ELAVL2: variants seen among roughly 807,000 people sequenced by gnomAD.
ELAVL2 encodes the protein ELAV like RNA binding protein 2.
A neutral mutation model predicts 34.6 loss-of-function variants in ELAVL2; 4 were observed. The ratio of observed to expected loss-of-function variants is 0.12; its 90% CI spans 0.06 to 0.26. The LOEUF (loss-of-function observed/expected upper bound fraction) is 0.26, where lower values mean the gene tolerates loss of function less well. ELAVL2 is among the 10% of genes least tolerant of loss of function. The pLI, the probability that ELAVL2 is intolerant of heterozygous loss-of-function variation, is 1.00. For missense variants in ELAVL2, 432 were observed against 442.8 expected, an observed-to-expected ratio of 0.98 and a Z score of 0.22; for synonymous variants, 193 against 154.8, an observed-to-expected ratio of 1.25 and a Z score of -1.83.
At chr9:23,784,209 A>C (rs1222522620) in intron 1 of ELAVL2, among the ~76,000 whole-genome samples, 1 of 150,026 alleles carries the variant, frequency 6.7e-6, no homozygotes, top group East Asian at 2.0e-4. Flanking sequence ...AAAAAACAAA[A>C]ACAAAAATGC....
chr9:23,708,270 G>C lies in ELAVL2; in HGVS notation c.334-3199C>G, dbSNP rs1222126282. On this transcript the variant is annotated intron_variant, in intron 3 of 6. Coordinates refer to ENST00000397312, the MANE Select transcript of ELAVL2 (RefSeq NM_004432.5). ...TAAACTTACATTTAGGGCATTATGA[G>C]ACTTCACCATTTACAAGGCATTTTC... Among the ~76,000 whole-genome samples, 5 of 152,150 alleles carry C rather than the reference G, an allele frequency of 3.3e-5. No homozygotes were observed. In the South Asian group the frequency reaches 1.0e-3, roughly 32 times the overall value.
chr9:23,725,043 C>A (rs1377472691), intron 3 of ELAVL2, among the ~76,000 whole-genome samples: 2 of 152,090 alleles, frequency 1.3e-5, no homozygotes, highest in East Asian at 3.9e-4. Flanking sequence ...TAAATTTCTA[C>A]CCTTTGTACC....
intron 4 of ELAVL2, among the ~76,000 whole-genome samples, chr9:23,703,775 A>AG (rs1260222247): frequency 6.6e-6 from 1 of 152,188 alleles, no homozygotes; most frequent in African/African-American, 2.4e-5. Context: ...AACAGTGAGG[A>AG]GAAAAGCTAC....
chr9:23,794,940 A>G (rs2060734878), intron 1 of ELAVL2, among the ~76,000 whole-genome samples: 1 of 152,222 alleles, frequency 6.6e-6, no homozygotes, highest in Non-Finnish European at 1.5e-5. Context: ...AAGCTAAAGA[A>G]GATGAACACT....
chr9:23,793,117 G>A (rs1370605657), intron 1 of ELAVL2, among the ~76,000 whole-genome samples: 1 of 152,068 alleles, frequency 6.6e-6, no homozygotes, highest in Non-Finnish European at 1.5e-5. Context: ...TGACAATTTG[G>A]AATGTCCTCT....
At chr9:23,842,272 G>A in the ELAVL2 span, among the ~76,000 whole-genome samples, 1 of 152,110 alleles carries the variant, frequency 6.6e-6, no homozygotes, top group Non-Finnish European at 1.5e-5. Flanking sequence ...TCCCCTGAGT[G>A]AGAGTTCAAG....
rs541241406 is a variant in ELAVL2, at chr9:23,692,461, C to T, written c.*96G>A. On this transcript the variant is annotated 3_prime_UTR_variant, in exon 7 of 7. Coordinates refer to ENST00000397312, the MANE Select transcript of ELAVL2 (RefSeq NM_004432.5). ...TAGTCATTTTATCCCCATCTCAACACTGACTTACAAAGACATTTACTAATG... is the reference window on the plus strand; with the variant it reads ...TAGTCATTTTATCCCCATCTCAACATTGACTTACAAAGACATTTACTAATG... 5.4e-6 allele frequency: 7 copies of T among 1,307,734 alleles called. No homozygotes were observed. Among genetic ancestry groups the T allele is most frequent in the Admixed American group, 2.8e-5 (1 of 36,312 alleles). 81.0% of individuals were successfully genotyped at this position (1,307,734 alleles called of 1,614,324 possible).
At position 23,692,376 on chromosome 9, in the gene ELAVL2, A is replaced by T; in HGVS notation, c.*181T>A. 1 of 653,576 alleles carries T rather than the reference A, an allele frequency of 1.5e-6. No homozygotes were observed. Among genetic ancestry groups the T allele is most frequent in the Non-Finnish European group, 2.5e-6 (1 of 397,376 alleles). The allele number at this position is 653,576 out of a possible 1,614,324, so 40.5% of individuals were successfully genotyped here. On this transcript the variant is annotated 3_prime_UTR_variant, in exon 7 of 7. Coordinates refer to ENST00000397312, the MANE Select transcript of ELAVL2 (RefSeq NM_004432.5). Reference sequence around the variant, plus strand: ...CCATATTCAAACATAAAAGATATTTAAGAAGTTTTAATTCAAATACTAGCA... The same window carrying T: ...CCATATTCAAACATAAAAGATATTTTAGAAGTTTTAATTCAAATACTAGCA...
At chr9:23,779,479 T>G (rs1366352592) in intron 1 of ELAVL2, 4 of 902,194 alleles carry the variant, frequency 4.4e-6, no homozygotes, top group Non-Finnish European at 5.3e-6. Flanking sequence ...GGCTTCCTTC[T>G]GGCTTCCTTA....
rs939192915 is a variant in ELAVL2, at chr9:23,764,271, A to C, written c.-15-2022T>G. Among the ~76,000 whole-genome samples the C allele has an allele frequency of 2.0e-5, 3 of 152,170 alleles. 1 individual carries two copies. Among genetic ancestry groups the C allele is most frequent in the Non-Finnish European group, 2.9e-5 (2 of 68,026 alleles). On this transcript the variant is annotated intron_variant, in intron 1 of 6. Transcript: ENST00000397312. ...TCGGACTAAAGCTCATTGGGATAGC[A>C]TTTGAAATACAAAGTGTTCATTGAC...
At chr9:23,797,248 A>T (rs960641443) in intron 1 of ELAVL2, among the ~76,000 whole-genome samples, 3 of 152,234 alleles carry the variant, frequency 2.0e-5, no homozygotes, top group African/African-American at 7.2e-5. Flanking sequence ...TTTAAAAGAA[A>T]AACACAGGCG....
chr9:23,831,838 G>T, the ELAVL2 span, among the ~76,000 whole-genome samples: 1 of 152,074 alleles, frequency 6.6e-6, no homozygotes, highest in South Asian at 2.1e-4. Context: ...GGCAGTGAGA[G>T]AGAAGAAAAA....
chr9:23,762,892 C>T (rs1222105468), intron 1 of ELAVL2, among the ~76,000 whole-genome samples: 3 of 152,040 alleles, frequency 2.0e-5, no homozygotes, highest in Admixed American at 2.0e-4. Flanking sequence ...AAGGAACTAA[C>T]TGTAAGGTAA....
chr9:23,774,462 A>G (rs922389585), intron 1 of ELAVL2, among the ~76,000 whole-genome samples: 6 of 152,136 alleles, frequency 3.9e-5, no homozygotes, highest in Admixed American at 1.3e-4. Flanking sequence ...ATGTTAAACT[A>G]CATTTAGCAC....
At chr9:23,717,027 C>A (rs761511994) in intron 3 of ELAVL2, among the ~76,000 whole-genome samples, 5 of 152,178 alleles carry the variant, frequency 3.3e-5, no homozygotes, top group African/African-American at 1.2e-4. Context: ...AATACAGAGA[C>A]AGTTTCCCAT....
chr9:23,780,925 C>T (rs567339044), intron 1 of ELAVL2, among the ~76,000 whole-genome samples: 1 of 152,220 alleles, frequency 6.6e-6, no homozygotes, highest in African/African-American at 2.4e-5. Context: ...TATCTCATTC[C>T]CAAGTCCCAG....
chr9:23,845,030 T>C, the ELAVL2 span, among the ~76,000 whole-genome samples: 1 of 151,900 alleles, frequency 6.6e-6, no homozygotes, highest in African/African-American at 2.4e-5. Flanking sequence ...TTTTGTACAG[T>C]TATGACAAAA....
At chr9:23,801,961 A>C (rs1013681380) in intron 1 of ELAVL2, among the ~76,000 whole-genome samples, 3 of 152,172 alleles carry the variant, frequency 2.0e-5, no homozygotes, top group African/African-American at 7.2e-5. Flanking sequence ...TTACCCACCT[A>C]ATCTCACGAC....
intron 2 of ELAVL2, among the ~76,000 whole-genome samples, chr9:23,733,213 C>A (rs1253088357): frequency 6.7e-6 from 1 of 149,740 alleles, no homozygotes; most frequent in Non-Finnish European, 1.5e-5. Flanking sequence ...AAAACCTGAT[C>A]CCCGAATCCC....
Sources: allele counts gnomAD v4.1 joint callset (sites outside exome capture counted in the v4.1 genomes callset), GRCh38; gene constraint gnomAD v4.1.1; transcripts MANE v1.5; gene names NCBI Gene and HGNC (gene_info 2026-07-23, HGNC 2026-07-21).